Variants in NUP62 observed in about 807,000 individuals in gnomAD.
The protein encoded by NUP62 is nuclear pore glycoprotein p62.
For synonymous variants in NUP62, 305 were observed against 303.4 expected, an observed-to-expected ratio of 1.01 and a Z score of -0.05; for missense variants, 647 against 689.4, an observed-to-expected ratio of 0.94 and a Z score of 0.69.
intron 2 of NUP62, among the ~76,000 whole-genome samples, chr19:49,914,800 T>A (rs1166635381): frequency 7.6e-6 from 1 of 132,346 alleles, no homozygotes; most frequent in Non-Finnish European, 1.6e-5. Flanking sequence ...AGTGTGGTGG[T>A]GCGATCTTGG....
chr19:49,923,268 C>A (rs1416733637), intron 2 of NUP62, among the ~76,000 whole-genome samples: 1 of 152,182 alleles, frequency 6.6e-6, no homozygotes, highest in Non-Finnish European at 1.5e-5. Flanking sequence ...ACCTTCAACC[C>A]CGGCACCCCT....
At position 49,921,946 on chromosome 19, in the gene NUP62, C is replaced by A. The variant is rs1008258273; in HGVS notation, c.-78+5748G>T. ...CTTGGCAGGATGAGTGCATTTGCTG[C>A]GAGAAAGCAGCCCCGACGGCAGGGC... is the stretch of plus-strand genomic sequence containing the variant. On this transcript the variant is annotated intron_variant, in intron 2 of 2. Coordinates refer to ENST00000352066, the MANE Select transcript of NUP62 (RefSeq NM_016553.5). The surrounding 1 kb of genome is among the most constrained non-coding windows in gnomAD (Gnocchi z 5.4). Among the ~76,000 whole-genome samples, 1 of 152,182 alleles carries A rather than the reference C, an allele frequency of 6.6e-6. No homozygotes were observed. Among genetic ancestry groups the A allele is most frequent in the Non-Finnish European group, 1.5e-5 (1 of 68,028 alleles).
At position 49,908,945 on chromosome 19, in the gene NUP62, GTGGTGCTGCTGCTGC is replaced by G; in HGVS notation, c.848_862del (p.Ser283_Thr287del). The G allele has an allele frequency of 6.2e-7, 1 of 1,609,486 alleles. No homozygotes were observed. Among genetic ancestry groups the G allele is most frequent in the Non-Finnish European group, 8.5e-7 (1 of 1,177,944 alleles). ...TGGTTTTAAATTCAAGGCAAAGCCG[GTGGTGCTGCTGCTGC>G]TGGTGGTGGTGGCGGTGGCGGTGGC... On this transcript the variant is annotated inframe_deletion, in exon 3 of 3. Coordinates refer to ENST00000352066, the MANE Select transcript of NUP62 (RefSeq NM_016553.5).
intron 2 of NUP62, among the ~76,000 whole-genome samples, chr19:49,926,188 AAC>A (rs2075882455): frequency 1.5e-5 from 2 of 137,472 alleles, no homozygotes; most frequent in African/African-American, 5.5e-5. Context: ...CAGCCTGGGC[AAC>A]AGAGCGAGAC....
rs1344996354 is a variant in NUP62 at position 49,907,065 on chromosome 19, T to G, written c.*1174A>C. The G allele has an allele frequency of 1.9e-5, 3 of 156,054 alleles. No homozygotes were observed. The highest frequency in any genetic ancestry group is 1.2e-4 in the Admixed American group (2 of 16,108). The allele number at this position is 156,054 out of a possible 1,614,324, so 9.7% of individuals were successfully genotyped here. The stretch of plus-strand genomic sequence containing the variant: ...CTATTTCTGTGGACTGACGTTACAC[T>G]GGGCTTCATTGTTCTTTCATTTAAC... On this transcript the variant is annotated 3_prime_UTR_variant, in exon 3 of 3. Coordinates refer to ENST00000352066, the MANE Select transcript of NUP62 (RefSeq NM_016553.5).
At chr19:49,928,496 G>A (rs946630004) in intron 1 of NUP62, 5 of 146,656 alleles carry the variant, frequency 3.4e-5, no homozygotes, top group Non-Finnish European at 6.0e-5. Context: ...CAGCCTGGGC[G>A]ACAGAGACGG....
chr19:49,923,198 G>A (rs749002672), intron 2 of NUP62, among the ~76,000 whole-genome samples: 27 of 152,196 alleles, frequency 1.8e-4, no homozygotes, highest in Non-Finnish European at 3.2e-4. Context: ...CAGCCCCCGC[G>A]TCATCCTCTC....
chr19:49,924,037 C>T (rs10404609), intron 2 of NUP62, among the ~76,000 whole-genome samples: 1 of 152,150 alleles, frequency 6.6e-6, no homozygotes, highest in African/African-American at 2.4e-5. Context: ...AATAGCAGGG[C>T]GATGGCACGG....
At chr19:49,922,206 CA>C (rs2075782008) in intron 2 of NUP62, among the ~76,000 whole-genome samples, 2 of 152,220 alleles carry the variant, frequency 1.3e-5, no homozygotes, top group Admixed American at 1.3e-4. Flanking sequence ...TGACACAGCC[CA>C]ACTCCTCAAG....
chr19:49,923,715 C>G (rs1448578162), intron 2 of NUP62, among the ~76,000 whole-genome samples: 1 of 152,264 alleles, frequency 6.6e-6, no homozygotes, highest in East Asian at 1.9e-4. Flanking sequence ...AAACCACCGT[C>G]TGCAATGGAC....
intron 2 of NUP62, among the ~76,000 whole-genome samples, chr19:49,910,135 G>A (rs986530909): frequency 1.3e-5 from 2 of 152,154 alleles, no homozygotes; most frequent in African/African-American, 4.8e-5. Flanking sequence ...CCCACTCTGT[G>A]GAGGACGAGG....
intron 2 of NUP62, among the ~76,000 whole-genome samples, chr19:49,911,662 C>G (rs539416128): frequency 3.9e-5 from 6 of 152,344 alleles, no homozygotes; most frequent in African/African-American, 9.6e-5. Context: ...CCAGGGCCAG[C>G]TGCACACGCT....
rs757319367 is a variant in NUP62 at position 49,908,743 on chromosome 19, G to A, written c.1065C>T (p.Ala355=). The part of the protein sequence containing the change: ...EDQERHFLQQ[A]TQVNAWDRTL... ...TGCGGTCCCAGGCGTTGACCTGGGT[G>A]GCCTGCTGGAGGAAGTGCCGCTCCT... The change falls in exon 3 of 3, where the codon GCC becomes GCT. Residue 355 remains alanine, a synonymous_variant. Coordinates refer to ENST00000352066, the MANE Select transcript of NUP62 (RefSeq NM_016553.5). 6.2e-7 allele frequency: 1 copy of A among 1,613,458 alleles called. No homozygotes were observed.
Position 49,907,533 on chromosome 19 carries a change from GTTTCT to G in NUP62, c.*701_*705del, listed in dbSNP as rs1356591956. The G allele has an allele frequency of 3.5e-5, 14 of 404,610 alleles. No homozygotes were observed. The highest frequency in any genetic ancestry group is 3.0e-4 in the East Asian group (4 of 13,256). 25.1% of individuals were successfully genotyped at this position (404,610 alleles called of 1,614,324 possible). On this transcript the variant is annotated 3_prime_UTR_variant, in exon 3 of 3. Coordinates refer to ENST00000352066, the MANE Select transcript of NUP62 (RefSeq NM_016553.5). ...AAAACTAGGCTGCTGTCTCCTGGGA[GTTTCT>G]TTTTTTTTTTTTTTTTTTTTGAGAC...
At chr19:49,929,147 G>C (rs1167601344) in intron 1 of NUP62, 179 bp downstream of exon 1, 1 of 152,172 alleles carries the variant, frequency 6.6e-6, no homozygotes, top group Non-Finnish European at 1.5e-5. Context: ...GGAAGGATCC[G>C]GGAGGGCCGT....
rs1425611937 is a variant in NUP62 at position 49,908,360 on chromosome 19, T to C, written c.1448A>G (p.Asp483Gly). 1.2e-6 allele frequency: 2 copies of C among 1,614,154 alleles called. No individual in the cohort carries two copies. The highest frequency in any genetic ancestry group is 1.7e-6 in the Non-Finnish European group (2 of 1,180,030). ...QICKILNAHM[D>G]SLQWIDQNSA... Reference sequence around the variant, plus strand: ...GTTCTGGTCGATCCACTGCAGTGAGTCCATGTGCGCATTGAGGATCTTGCA... The same window carrying C: ...GTTCTGGTCGATCCACTGCAGTGAGCCCATGTGCGCATTGAGGATCTTGCA... The change falls in exon 3 of 3, where the codon GAC (aspartate) becomes GGC (glycine). Residue 483 changes from aspartate to glycine, a missense_variant. Transcript: ENST00000352066.
At chr19:49,911,177 C>T (rs1357112814) in intron 2 of NUP62, 3 of 152,242 alleles carry the variant, frequency 2.0e-5, no homozygotes, top group African/African-American at 7.2e-5. Context: ...GCCAGGACTA[C>T]AGGCGTGAGC....
In NUP62 at chr19:49,907,986, G is replaced by A; in HGVS notation, c.*253C>T. 1 of 687,626 alleles carries A rather than the reference G, an allele frequency of 1.5e-6. No homozygotes were observed. The highest frequency in any genetic ancestry group is 2.3e-6 in the Non-Finnish European group (1 of 427,982). 42.6% of individuals were successfully genotyped at this position (687,626 alleles called of 1,614,324 possible). A position where few individuals can be genotyped will look rare whatever the true frequency, so the allele number is the denominator to read the frequency against. On this transcript the variant is annotated 3_prime_UTR_variant, in exon 3 of 3. Coordinates refer to ENST00000352066, the MANE Select transcript of NUP62 (RefSeq NM_016553.5). ...CAGGATGAGGTGGGTGGTCGCAGTA[G>A]GTGAAAAGGGGCCAAAGATACTCAA... is the stretch of plus-strand genomic sequence containing the variant.
chr19:49,913,180 CCACA>C (rs928932762), intron 2 of NUP62: 1 of 152,380 alleles, frequency 6.6e-6, no homozygotes, highest in Non-Finnish European at 1.5e-5. Flanking sequence ...ACAGGGAGGC[CCACA>C]CAGCAGACAT....
Sources: gnomAD v4.1 joint callset for allele counts (sites outside exome capture counted in the v4.1 genomes callset) on GRCh38, gnomAD v4.1.1 for gene constraint, Gnocchi (gnomAD v3.1) non-coding constraint, MANE v1.5 for transcripts, NCBI Gene and HGNC (gene_info 2026-07-23, HGNC 2026-07-21) for gene names.